LTBP1: variants seen among roughly 807,000 people sequenced by gnomAD.
LTBP1 encodes latent-transforming growth factor beta-binding protein 1.
Under a neutral mutation model 207.6 loss-of-function variants are expected in LTBP1, and 129 were observed. That is an observed-to-expected ratio of 0.62 (90% CI 0.54 to 0.72). The LOEUF (loss-of-function observed/expected upper bound fraction) is 0.72, where lower values mean the gene tolerates loss of function less well. Among genes scored for constraint, LTBP1 ranks in the 30% least tolerant of loss-of-function variants. The pLI, the probability that LTBP1 is intolerant of heterozygous loss-of-function variation, is 0.00. For synonymous variants in LTBP1, 963 were observed against 833.7 expected, an observed-to-expected ratio of 1.16 and a Z score of -2.67; for missense variants, 2,281 against 2,217.2, an observed-to-expected ratio of 1.03 and a Z score of -0.58.
chr2:33,270,075 C>G (rs2093282694), intron 15 of LTBP1, among the ~76,000 whole-genome samples: 1 of 151,410 alleles, frequency 6.6e-6, no homozygotes, highest in Non-Finnish European at 1.5e-5. Flanking sequence ...CACCACCACA[C>G]CTGGCTAATT....
intron 8 of LTBP1, among the ~76,000 whole-genome samples, chr2:33,219,559 C>T (rs768196944): frequency 1.3e-5 from 2 of 151,796 alleles, no homozygotes; most frequent in East Asian, 1.9e-4. Flanking sequence ...TTAAACCTGC[C>T]TCTTTGTTTA....
At chr2:32,953,316 G>A (rs897526721) in intron 2 of LTBP1, among the ~76,000 whole-genome samples, 1 of 152,192 alleles carries the variant, frequency 6.6e-6, no homozygotes, top group Non-Finnish European at 1.5e-5. Context: ...TTGGCATCGT[G>A]CTTGCCAAAC....
At chr2:33,058,855 G>A (rs1429103446) in intron 3 of LTBP1, among the ~76,000 whole-genome samples, 1 of 152,168 alleles carries the variant, frequency 6.6e-6, no homozygotes, top group African/African-American at 2.4e-5. Context: ...TGCCATTTAA[G>A]CTACAGAAGT....
intron 4 of LTBP1, among the ~76,000 whole-genome samples, chr2:33,129,695 G>C (rs2081652512): frequency 6.6e-6 from 1 of 152,070 alleles, no homozygotes; most frequent in Admixed American, 6.6e-5. Flanking sequence ...ATTTTTAGGG[G>C]AAAAATGTCT....
chr2:33,309,641 C>A lies in LTBP1; in HGVS notation c.3604+85C>A, dbSNP rs2094151517. On this transcript the variant is annotated intron_variant, in intron 23 of 33. Transcript: ENST00000404816. Reference sequence around the variant, plus strand: ...TGCCAGATGATAGTCTGTGGTTTTGCCATGTGATTTATATGTAAATAATTT... The same window carrying A: ...TGCCAGATGATAGTCTGTGGTTTTGACATGTGATTTATATGTAAATAATTT... 3.4e-6 allele frequency: 5 copies of A among 1,461,768 alleles called. No individual in the cohort carries two copies. In the African/African-American group the frequency reaches 4.3e-5, roughly 13 times the overall value. 90.5% of individuals were successfully genotyped at this position (1,461,768 alleles called of 1,614,324 possible). A position where few individuals can be genotyped will look rare whatever the true frequency, so the allele number is the denominator to read the frequency against.
At chr2:33,208,807 T>G (rs2090071816) in intron 7 of LTBP1, among the ~76,000 whole-genome samples, 1 of 151,902 alleles carries the variant, frequency 6.6e-6, no homozygotes, top group Non-Finnish European at 1.5e-5. Flanking sequence ...CAGTTGAGTT[T>G]GTGTGGGAGG....
intron 11 of LTBP1, among the ~76,000 whole-genome samples, chr2:33,253,907 T>TTTTG (rs2092753931): frequency 7.1e-6 from 1 of 139,882 alleles, no homozygotes; most frequent in African/African-American, 2.7e-5. Context: ...TTTTTTTTTT[T>TTTTG]GAGATGGAGT....
chr2:33,031,164 G>A (rs1489539847), intron 3 of LTBP1, among the ~76,000 whole-genome samples: 1 of 152,122 alleles, frequency 6.6e-6, no homozygotes, highest in Non-Finnish European at 1.5e-5. Flanking sequence ...CCTTGTCCAT[G>A]AGGACAAGAA....
At chr2:32,949,734 T>C (rs891843015) in intron 2 of LTBP1, among the ~76,000 whole-genome samples, 2 of 152,214 alleles carry the variant, frequency 1.3e-5, no homozygotes, top group African/African-American at 4.8e-5. Flanking sequence ...TGCATAGAGA[T>C]TGAGGCATTC....
chr2:33,163,611 G>C (rs111463859), intron 5 of LTBP1, among the ~76,000 whole-genome samples: 2,333 of 152,240 alleles, frequency 0.015, 23 homozygotes, highest in East Asian at 0.027. Flanking sequence ...ACGCATTATA[G>C]TTAGTTGCTG....
At chr2:33,391,985 C>T (rs1209664935) in intron 32 of LTBP1, among the ~76,000 whole-genome samples, 1 of 152,110 alleles carries the variant, frequency 6.6e-6, no homozygotes, top group African/African-American at 2.4e-5. Context: ...TTTCTGACCT[C>T]CAGCAAGGGC....
intron 31 of LTBP1, among the ~76,000 whole-genome samples, chr2:33,383,439 G>C (rs1282300024): frequency 6.6e-6 from 1 of 152,180 alleles, no homozygotes; most frequent in Non-Finnish European, 1.5e-5. Flanking sequence ...TCCTCCCTCT[G>C]TTTCCTAGTT....
At chr2:33,397,726 G>T (rs549348295) in intron 33 of LTBP1, among the ~76,000 whole-genome samples, 2 of 141,284 alleles carry the variant, frequency 1.4e-5, no homozygotes, top group African/African-American at 5.3e-5. Flanking sequence ...ATTTCACCGT[G>T]TTAGCCAGGA....
chr2:33,259,242 GT>G (rs1451085382), intron 12 of LTBP1, among the ~76,000 whole-genome samples: 1 of 152,148 alleles, frequency 6.6e-6, no homozygotes, highest in African/African-American at 2.4e-5. Flanking sequence ...GAAAATGTTT[GT>G]TTTCTAACAT....
chr2:33,286,119 T>G (rs2093660824), intron 19 of LTBP1, among the ~76,000 whole-genome samples: 1 of 152,226 alleles, frequency 6.6e-6, no homozygotes, highest in African/African-American at 2.4e-5. Flanking sequence ...GTAGTTCAGT[T>G]TGTGATAGAA....
At chr2:33,371,688 A>G (rs1441523678) in intron 31 of LTBP1, among the ~76,000 whole-genome samples, 1 of 152,224 alleles carries the variant, frequency 6.6e-6, no homozygotes, top group Non-Finnish European at 1.5e-5. Flanking sequence ...ACATATACAT[A>G]GCACAATGCC....
intron 31 of LTBP1, among the ~76,000 whole-genome samples, chr2:33,386,080 G>C (rs1325388702): frequency 6.6e-6 from 1 of 152,164 alleles, no homozygotes; most frequent in African/African-American, 2.4e-5. Flanking sequence ...CCTTGGTCTA[G>C]TCAGAAGACT....
intron 2 of LTBP1, among the ~76,000 whole-genome samples, chr2:32,957,593 C>G (rs1382607628): frequency 6.6e-6 from 1 of 152,110 alleles, no homozygotes; most frequent in African/African-American, 2.4e-5. Context: ...CATGAAAGAT[C>G]ACCGATCACA....
At chr2:33,275,138 T>C (rs1558928457) in intron 17 of LTBP1, 48 bp downstream of exon 17, 1 of 1,606,986 alleles carries the variant, frequency 6.2e-7, no homozygotes, top group East Asian at 2.2e-5. Flanking sequence ...TCTGAGTTTT[T>C]AGATCCCCTA....
Sources: allele counts gnomAD v4.1 joint callset (sites outside exome capture counted in the v4.1 genomes callset), GRCh38; gene constraint gnomAD v4.1.1; transcripts MANE v1.5; gene names NCBI Gene and HGNC (gene_info 2026-07-23, HGNC 2026-07-21).